Variants in SUPT3H observed in about 807,000 individuals in gnomAD.
SUPT3H encodes transcription initiation protein SPT3 homolog.
A neutral mutation model predicts 44.3 loss-of-function variants in SUPT3H; 44 were observed. The ratio of observed to expected loss-of-function variants is 0.99; its 90% confidence interval spans 0.78 to 1.28. The LOEUF (loss-of-function observed/expected upper bound fraction) is 1.28, where lower values mean the gene tolerates loss of function less well. Among genes scored for constraint, SUPT3H ranks in the 50% most tolerant of loss-of-function variants. The pLI, the probability that SUPT3H is intolerant of heterozygous loss-of-function variation, is 0.00. For synonymous variants in SUPT3H, 124 were observed against 125.6 expected, an observed-to-expected ratio of 0.99 and a Z score of 0.09; for missense variants, 380 against 387.1, an observed-to-expected ratio of 0.98 and a Z score of 0.15.
chr6:45,297,106 T>C (rs1386876508), intron 2 of SUPT3H, among the ~76,000 whole-genome samples: 1 of 148,160 alleles, frequency 6.7e-6, no homozygotes, highest in Non-Finnish European at 1.5e-5. Context: ...AAAAAAATGA[T>C]GTGCTTCATC....
intron 2 of SUPT3H, among the ~76,000 whole-genome samples, chr6:45,224,641 G>T (rs1043783489): frequency 1.3e-5 from 2 of 152,000 alleles, no homozygotes; most frequent in Admixed American, 6.6e-5. Context: ...AGCTGGGCGT[G>T]GTGGTGTGAG....
intron 2 of SUPT3H, among the ~76,000 whole-genome samples, chr6:45,313,448 A>G (rs992850213): frequency 1.6e-4 from 24 of 152,264 alleles, no homozygotes; most frequent in Non-Finnish European, 2.8e-4. Context: ...CTGAGAAATG[A>G]AACAGGAGAT....
At chr6:45,181,534 C>T (rs1813184409) in intron 2 of SUPT3H, among the ~76,000 whole-genome samples, 1 of 151,606 alleles carries the variant, frequency 6.6e-6, no homozygotes, top group Non-Finnish European at 1.5e-5. Context: ...TACTATGCAG[C>T]CATAAAAAAT....
Position 45,163,126 on chromosome 6 carries a change from C to CACT in SUPT3H, c.102-57123_102-57121dup, listed in dbSNP as rs555905173. 1.6e-3 allele frequency among the ~76,000 whole-genome samples: 249 copies of CACT among 152,236 alleles called. 2 individuals carry two copies. Among genetic ancestry groups the CACT allele is most frequent in the Non-Finnish European group, 3.4e-4 (23 of 68,016 alleles). ...TAGTGAGCAATATGGAATTCTTGAG[C>CACT]ACTAGTTTCTGTATTTCCAGACTTT... On this transcript the variant is annotated intron_variant, in intron 2 of 10. Transcript: ENST00000371459.
At chr6:45,261,613 C>T (rs1167786870) in intron 2 of SUPT3H, among the ~76,000 whole-genome samples, 1 of 152,110 alleles carries the variant, frequency 6.6e-6, no homozygotes, top group Non-Finnish European at 1.5e-5. Flanking sequence ...AAACCCATAG[C>T]CATCATCATA....
chr6:44,855,997 ACAGGAAGT>A (rs1367781619), intron 10 of SUPT3H, among the ~76,000 whole-genome samples: 1 of 152,278 alleles, frequency 6.6e-6, no homozygotes, highest in African/African-American at 2.4e-5. Context: ...TATGAGTAAA[ACAGGAAGT>A]TCGGTCCTCT....
intron 6 of SUPT3H, among the ~76,000 whole-genome samples, chr6:44,963,776 GA>G (rs1227387395): frequency 6.6e-6 from 1 of 152,040 alleles, no homozygotes; most frequent in Non-Finnish European, 1.5e-5. Context: ...GAGGCGGGTG[GA>G]TCATGAGGTC....
intron 11 of SUPT3H, among the ~76,000 whole-genome samples, chr6:44,811,423 T>C (rs1766513033): frequency 6.6e-6 from 1 of 152,210 alleles, no homozygotes; most frequent in African/African-American, 2.4e-5. Context: ...TTAAAAGATG[T>C]ATGTATGGGT....
chr6:45,063,467 TTGACGAGCTGAGAG>T (rs1792568849), intron 3 of SUPT3H, among the ~76,000 whole-genome samples: 1 of 146,694 alleles, frequency 6.8e-6, no homozygotes, highest in Non-Finnish European at 1.5e-5. Context: ...GAGAATGACT[TTGACGAGCTGAGAG>T]AAGAAGGCTT....
intron 10 of SUPT3H, among the ~76,000 whole-genome samples, chr6:44,877,580 A>C (rs899387122): frequency 2.6e-5 from 4 of 152,200 alleles, no homozygotes; most frequent in African/African-American, 9.6e-5. Context: ...TACCAGGAAA[A>C]CCCTTAAATG....
chr6:44,988,173 T>C (rs563350951), intron 6 of SUPT3H, among the ~76,000 whole-genome samples: 1 of 152,074 alleles, frequency 6.6e-6, no homozygotes, highest in Admixed American at 6.6e-5. Context: ...AGAGGGTCTG[T>C]GGTCAAAAAA....
intron 2 of SUPT3H, among the ~76,000 whole-genome samples, chr6:45,287,304 G>A (rs555258763): frequency 7.2e-4 from 109 of 151,718 alleles, no homozygotes; most frequent in African/African-American, 2.6e-3. Flanking sequence ...GGCTGATATC[G>A]GTACTCTGAT....
At chr6:45,346,567 C>CTTTTTTTTTTTTTTTTTTTTTTTTT (rs71745024) in intron 2 of SUPT3H, among the ~76,000 whole-genome samples, 1 of 140,430 alleles carries the variant, frequency 7.1e-6, no homozygotes, top group African/African-American at 2.6e-5. Flanking sequence ...ATAAACATTT[C>CTTTTTTTTTTTTTTTTTTTTTTTTT]TTTTTTTTTT....
chr6:45,352,695 T>C (rs1792307742), intron 2 of SUPT3H, among the ~76,000 whole-genome samples: 1 of 152,134 alleles, frequency 6.6e-6, no homozygotes, highest in African/African-American at 2.4e-5. Flanking sequence ...GTCATGAATA[T>C]TCATAATCTA....
At chr6:44,889,742 C>A (rs1305310814) in intron 10 of SUPT3H, among the ~76,000 whole-genome samples, 15 of 152,088 alleles carry the variant, frequency 9.9e-5, no homozygotes, top group Non-Finnish European at 2.1e-4. Context: ...CAATGGCAAC[C>A]AAAGACAAAA....
chr6:44,838,015 T>G (rs1770234037), intron 10 of SUPT3H, among the ~76,000 whole-genome samples: 1 of 152,210 alleles, frequency 6.6e-6, no homozygotes, highest in African/African-American at 2.4e-5. Flanking sequence ...TAGCAATAGC[T>G]GTTTGCCAAT....
chr6:45,131,872 T>A (rs1002647693), intron 2 of SUPT3H, among the ~76,000 whole-genome samples: 14 of 152,282 alleles, frequency 9.2e-5, no homozygotes, highest in South Asian at 2.1e-4. Flanking sequence ...ATAGCCCCCC[T>A]TCATTCATGG....
intron 2 of SUPT3H, among the ~76,000 whole-genome samples, chr6:45,163,734 T>A (rs1809406086): frequency 6.6e-6 from 1 of 151,890 alleles, no homozygotes; most frequent in South Asian, 2.1e-4. Context: ...ACTGCCATAC[T>A]TTTCAACTCA....
Position 45,071,640 on chromosome 6 carries a change from G to A in SUPT3H, c.186+34282C>T, listed in dbSNP as rs1000516191. 5.3e-4 allele frequency among the ~76,000 whole-genome samples: 80 copies of A among 152,276 alleles called. 1 individual carries two copies. Among genetic ancestry groups the A allele is most frequent in the Admixed American group, 1.6e-3 (25 of 15,280 alleles). Reference sequence around the variant, plus strand: ...GGGGATCTGTCCCAGTTATTAGGGTGCACTCCAGTTTTCTTTTGGGACTAG... The same window carrying A: ...GGGGATCTGTCCCAGTTATTAGGGTACACTCCAGTTTTCTTTTGGGACTAG... On this transcript the variant is annotated intron_variant, in intron 3 of 10. Transcript: ENST00000371459.
Sources: allele counts gnomAD v4.1 joint callset (sites outside exome capture counted in the v4.1 genomes callset), GRCh38; gene constraint gnomAD v4.1.1; transcripts MANE v1.5; gene names NCBI Gene and HGNC (gene_info 2026-07-23, HGNC 2026-07-21).